Variants in ARSB observed in about 807,000 individuals in gnomAD.
ARSB encodes the protein arylsulfatase B.
ARSB carries 41 observed loss-of-function variants against 50.9 expected under a neutral mutation model. The ratio of observed to expected loss-of-function variants is 0.81; its 90% confidence interval spans 0.63 to 1.04. ARSB has a LOEUF of 1.04. Ranked by LOEUF, ARSB falls within the 50% of genes least tolerant of loss-of-function variation. ARSB has a pLI of 0.00. For missense variants in ARSB, 672 were observed against 693.3 expected, an observed-to-expected ratio of 0.97 and a Z score of 0.35; for synonymous variants, 269 against 284.8, an observed-to-expected ratio of 0.94 and a Z score of 0.56.
intron 1 of ARSB, among the ~76,000 whole-genome samples, chr5:78,975,936 A>G (rs1409368737): frequency 6.6e-6 from 1 of 152,236 alleles, no homozygotes; most frequent in Non-Finnish European, 1.5e-5. Flanking sequence ...TTTTGTATAG[A>G]ATAAAGTCAA....
intron 5 of ARSB, among the ~76,000 whole-genome samples, chr5:78,871,096 T>C (rs1342894627): frequency 2.0e-5 from 3 of 148,216 alleles, no homozygotes; most frequent in Non-Finnish European, 4.5e-5. Flanking sequence ...TACCTAGGAA[T>C]CCAACTTACA....
chr5:78,830,707 G>T (rs2112694554), intron 6 of ARSB, among the ~76,000 whole-genome samples: 1 of 152,316 alleles, frequency 6.6e-6, no homozygotes, highest in South Asian at 2.1e-4. Context: ...AGACTTTAGT[G>T]CTCCCCAAAG....
chr5:78,888,615 G>A lies in ARSB; in HGVS notation c.899-2788C>T, dbSNP rs577496755. Reference sequence around the variant, plus strand: ...TTGCACATATTTGTTAGTGCTCAACGGAAAGTATTGGATGAAGATGGTGGT... The same window carrying A: ...TTGCACATATTTGTTAGTGCTCAACAGAAAGTATTGGATGAAGATGGTGGT... On this transcript the variant is annotated intron_variant, in intron 4 of 7. Transcript: ENST00000264914. 7.9e-5 allele frequency among the ~76,000 whole-genome samples: 12 copies of A among 152,296 alleles called. No individual in the cohort carries two copies. The East Asian group carries it at 1.2e-3, about 15-fold the overall frequency.
intron 5 of ARSB, among the ~76,000 whole-genome samples, chr5:78,860,734 T>C (rs1366197290): frequency 6.6e-6 from 1 of 152,112 alleles, no homozygotes; most frequent in Non-Finnish European, 1.5e-5. Flanking sequence ...ATTCAAAAGC[T>C]AGCAGAAGGC....
At chr5:78,979,240 C>A (rs1752794505) in intron 1 of ARSB, among the ~76,000 whole-genome samples, 1 of 152,160 alleles carries the variant, frequency 6.6e-6, no homozygotes, top group Non-Finnish European at 1.5e-5. Flanking sequence ...AGATGTTCAA[C>A]ATCATTAGTC....
At chr5:78,816,013 C>T in intron 6 of ARSB, 5 of 1,540,960 alleles carry the variant, frequency 3.2e-6, no homozygotes, top group Non-Finnish European at 4.4e-6. Context: ...CTTGAGGGGC[C>T]CTTTCAGAAC....
rs1745059566 is a variant in ARSB at position 78,838,786 on chromosome 5, G to T, written c.1213+570C>A. Among the ~76,000 whole-genome samples the T allele has an allele frequency of 2.0e-5, 3 of 152,330 alleles. No individual in the cohort carries two copies. The South Asian group carries it at 6.2e-4, about 32-fold the overall frequency. On this transcript the variant is annotated intron_variant, in intron 6 of 7. Transcript: ENST00000264914. Reference sequence around the variant, plus strand: ...ATCTGGAAGCACTACATGCATGCCTGCCCTGAAGGAAATGGTAAGGCTCTT... The same window carrying T: ...ATCTGGAAGCACTACATGCATGCCTTCCCTGAAGGAAATGGTAAGGCTCTT...
intron 4 of ARSB, among the ~76,000 whole-genome samples, chr5:78,897,004 A>G (rs1159081064): frequency 6.6e-6 from 1 of 152,214 alleles, no homozygotes; most frequent in East Asian, 1.9e-4. Context: ...GAGTGCATAC[A>G]GTTATAGACG....
In ARSB at chr5:78,984,710, C is replaced by T. The variant is rs527645861; in HGVS notation, c.312+227G>A. On this transcript the variant is annotated intron_variant, in intron 1 of 7. Transcript: ENST00000264914. The stretch of plus-strand genomic sequence containing the variant: ...CAAAGCCACCCGCCCAACCCGGCGG[C>T]CGGGGCGCGGGTCCGCGGGGCGCCA... Among the ~76,000 whole-genome samples the T allele has an allele frequency of 7.9e-5, 12 of 152,200 alleles. No homozygotes were observed. The East Asian group carries it at 2.3e-3, about 30-fold the overall frequency.
chr5:78,930,511 T>G (rs1434587403), intron 4 of ARSB, among the ~76,000 whole-genome samples: 2 of 152,180 alleles, frequency 1.3e-5, no homozygotes, highest in Admixed American at 6.5e-5. Context: ...TGGCCCATAC[T>G]GTGAAAGAAA....
intron 6 of ARSB, among the ~76,000 whole-genome samples, chr5:78,803,931 A>C (rs1455034732): frequency 6.6e-6 from 1 of 152,234 alleles, no homozygotes; most frequent in Non-Finnish European, 1.5e-5. Context: ...AAGGAGCTGG[A>C]GGTCTGGTCA....
intron 1 of ARSB, 90 bp downstream of exon 1, chr5:78,984,837 CCGCCTGCCAG>C: frequency 9.7e-7 from 1 of 1,027,046 alleles, no homozygotes; most frequent in South Asian, 4.8e-5. Context: ...GGTCCGAGCC[CCGCCTGCCAG>C]CGCCCGCGGC....
At chr5:78,917,257 T>G (rs1749595116) in intron 4 of ARSB, among the ~76,000 whole-genome samples, 1 of 152,216 alleles carries the variant, frequency 6.6e-6, no homozygotes, top group Non-Finnish European at 1.5e-5. Flanking sequence ...ATATTCTATA[T>G]TCCTATAGTT....
intron 6 of ARSB, among the ~76,000 whole-genome samples, chr5:78,791,974 A>C (rs1749248962): frequency 6.6e-6 from 1 of 152,146 alleles, no homozygotes; most frequent in Non-Finnish European, 1.5e-5. Flanking sequence ...CTGGAAGAAG[A>C]AGAATTGTCT....
rs970289250 is a variant in ARSB, at chr5:78,964,697, T to C, written c.500-91A>G. The C allele has an allele frequency of 8.3e-6, 10 of 1,208,548 alleles. No individual in the cohort carries two copies. The African/African-American group carries it at 1.4e-4, about 16-fold the overall frequency. The allele number at this position is 1,208,548 out of a possible 1,614,324, so 74.9% of individuals were successfully genotyped here. ...GCATTTAATTGCCTAATGCAATTGA[T>C]TACCCGTGACGAGGCTAATCAAATG... is the stretch of plus-strand genomic sequence containing the variant. On this transcript the variant is annotated intron_variant, in intron 2 of 7. Transcript: ENST00000264914.
chr5:78,826,337 G>T (rs1744431760), intron 6 of ARSB, among the ~76,000 whole-genome samples: 1 of 152,126 alleles, frequency 6.6e-6, no homozygotes. Flanking sequence ...GAGCCACCAT[G>T]CCTGGCCCCT....
intron 1 of ARSB, among the ~76,000 whole-genome samples, chr5:78,984,497 C>T (rs1753052994): frequency 6.6e-6 from 1 of 152,214 alleles, no homozygotes; most frequent in South Asian, 2.1e-4. Flanking sequence ...CCTATCACCG[C>T]TGGGTTCCCA....
chr5:78,946,326 G>A lies in ARSB; in HGVS notation c.898+8969C>T, dbSNP rs201780781. Among the ~76,000 whole-genome samples, 5 of 152,236 alleles carry A rather than the reference G, an allele frequency of 3.3e-5. No individual in the cohort carries two copies. The East Asian group carries it at 5.8e-4, about 18-fold the overall frequency. On this transcript the variant is annotated intron_variant, in intron 4 of 7. Transcript: ENST00000264914. ...AATTATCCTTGTTTGCAGATGATAC[G>A]ATCTTACATTTGGAAAAACCTATAG...
chr5:78,926,753 G>A (rs1750072332), intron 4 of ARSB, among the ~76,000 whole-genome samples: 1 of 152,184 alleles, frequency 6.6e-6, no homozygotes, highest in South Asian at 2.1e-4. Flanking sequence ...GAACTCTCAA[G>A]AGGTATGAAT....
Sources: allele counts gnomAD v4.1 joint callset (sites outside exome capture counted in the v4.1 genomes callset), GRCh38; gene constraint gnomAD v4.1.1; transcripts MANE v1.5; gene names NCBI Gene and HGNC (gene_info 2026-07-23, HGNC 2026-07-21).